The following ASPH variants were observed in gnomAD, a reference collection of about 807,000 sequenced individuals.
The protein encoded by ASPH is aspartyl/asparaginyl beta-hydroxylase.
Under a neutral mutation model 118.4 loss-of-function variants are expected in ASPH, and 100 were observed. That is an observed-to-expected ratio of 0.84 (90% CI 0.72 to 1.00). The LOEUF is 1.00. Among genes scored for constraint, ASPH ranks in the 50% least tolerant of loss-of-function variants. ASPH has a pLI of 0.00. For synonymous variants in ASPH, 315 were observed against 325.6 expected (o/e 0.97, Z 0.35); for missense variants, 920 against 919.5 (o/e 1.00, Z -0.01).
chr8:61,627,643 A>G (rs558920346), intron 13 of ASPH, among the ~76,000 whole-genome samples: 2 of 152,314 alleles, frequency 1.3e-5, no homozygotes, highest in Non-Finnish European at 2.9e-5. Context: ...TTGATTTGAG[A>G]GGAAGATACA....
At chr8:61,645,702 T>C (rs1344782300) in intron 6 of ASPH, among the ~76,000 whole-genome samples, 4 of 152,210 alleles carry the variant, frequency 2.6e-5, no homozygotes, top group Non-Finnish European at 4.4e-5. Context: ...TACAATTCTT[T>C]TGAAAACCAA....
intron 1 of ASPH, among the ~76,000 whole-genome samples, chr8:61,713,372 T>C (rs28409877): frequency 0.53 from 80,563 of 152,134 alleles, 21,688 homozygotes; most frequent in Middle Eastern, 0.59. Flanking sequence ...AATACTTCTT[T>C]GACTATAGCT....
At chr8:61,646,412 G>A (rs1588595274) in intron 6 of ASPH, among the ~76,000 whole-genome samples, 1 of 152,198 alleles carries the variant, frequency 6.6e-6, no homozygotes, top group African/African-American at 2.4e-5. Context: ...ACATGAGCCT[G>A]TGATAGATTA....
At chr8:61,668,365 G>T in intron 3 of ASPH, 1 of 984,700 alleles carries the variant, frequency 1.0e-6, no homozygotes, top group Non-Finnish European at 1.5e-6. Flanking sequence ...TAAAATCAAT[G>T]CCACTATAAA....
chr8:61,714,532 G>A lies in ASPH; in HGVS notation c.-161C>T. The A allele has an allele frequency of 1.8e-6, 2 of 1,103,540 alleles. No homozygotes were observed. Among genetic ancestry groups the A allele is most frequent in the Middle Eastern group, 3.4e-4 (1 of 2,960 alleles). 68.4% of individuals were successfully genotyped at this position (1,103,540 alleles called of 1,614,324 possible). ...GCCTCAGCACCGCCTGCAGCACCTG[G>A]GAAGACTTCACCCGCCTGCCGGCTG... On this transcript the variant is annotated 5_prime_UTR_variant, in exon 1 of 25. Transcript: ENST00000379454.
intron 10 of ASPH, among the ~76,000 whole-genome samples, chr8:61,640,287 T>C (rs909893261): frequency 2.6e-5 from 4 of 152,160 alleles, no homozygotes; most frequent in African/African-American, 7.2e-5. Flanking sequence ...GACTCTTGTC[T>C]CTCCAGTCTG....
intron 14 of ASPH, among the ~76,000 whole-genome samples, chr8:61,611,039 G>A (rs1449857674): frequency 6.6e-6 from 1 of 152,170 alleles, no homozygotes; most frequent in Non-Finnish European, 1.5e-5. Flanking sequence ...ATTTTTAAAG[G>A]AAAGGACCAC....
chr8:61,701,867 A>G (rs1835319522), intron 1 of ASPH, among the ~76,000 whole-genome samples: 1 of 152,216 alleles, frequency 6.6e-6, no homozygotes, highest in South Asian at 2.1e-4. Flanking sequence ...TGTATTTTAT[A>G]AAGAATTTTT....
chr8:61,579,023 G>A, intron 15 of ASPH: 7 of 1,610,850 alleles, frequency 4.3e-6, no homozygotes, highest in Non-Finnish European at 5.9e-6. Context: ...CACAGTACGA[G>A]GATATTGCCA....
chr8:61,538,337 T>C (rs2130176153), intron 21 of ASPH, among the ~76,000 whole-genome samples: 1 of 152,372 alleles, frequency 6.6e-6, no homozygotes, highest in South Asian at 2.1e-4. Context: ...CCAAACAGTT[T>C]AAAGTTTGAT....
In ASPH at chr8:61,663,163, G is replaced by T. The variant is rs529889022; in HGVS notation, c.323-9503C>A. 4 of 985,358 alleles carry T rather than the reference G, an allele frequency of 4.1e-6. No individual in the cohort carries two copies. The East Asian group carries it at 4.5e-4, about 112-fold the overall frequency. 61.0% of individuals were successfully genotyped at this position (985,358 alleles called of 1,614,324 possible). The stretch of plus-strand genomic sequence containing the variant: ...TCGTGTAACTTTCATATGCCTGGGG[G>T]ACATGTTCTGCTTCTTCTTCTGTCC... On this transcript the variant is annotated intron_variant, in intron 3 of 24. Transcript: ENST00000379454.
In ASPH at chr8:61,714,217, G is replaced by A. The variant is rs557252292; in HGVS notation, c.103+52C>T. On this transcript the variant is annotated intron_variant, in intron 1 of 24. Coordinates refer to ENST00000379454, the MANE Select transcript of ASPH (RefSeq NM_004318.4). ...CCCGCAGCGTCCGCCGCGCCAGCCG[G>A]CTCCCTACCCCGAGGCGAGGCCCCA... The A allele has an allele frequency of 4.2e-5, 58 of 1,378,450 alleles. No homozygotes were observed. In the South Asian group the frequency reaches 6.2e-4, roughly 15 times the overall value. 85.4% of individuals were successfully genotyped at this position (1,378,450 alleles called of 1,614,324 possible). A position where few individuals can be genotyped will look rare whatever the true frequency, so the allele number is the denominator to read the frequency against.
chr8:61,524,728 T>C (rs1171124446), intron 22 of ASPH, among the ~76,000 whole-genome samples: 1 of 151,940 alleles, frequency 6.6e-6, no homozygotes, highest in African/African-American at 2.4e-5. Context: ...CCTATAATAC[T>C]TTGCATATTA....
intron 11 of ASPH, 128 bp downstream of exon 11, chr8:61,638,194 A>G: frequency 7.9e-7 from 1 of 1,273,444 alleles, no homozygotes; most frequent in East Asian, 2.4e-5. Flanking sequence ...ATACTCAATT[A>G]TTTTCTTACT....
At chr8:61,636,993 C>A (rs970961809) in intron 12 of ASPH, among the ~76,000 whole-genome samples, 3 of 152,112 alleles carry the variant, frequency 2.0e-5, no homozygotes, top group Non-Finnish European at 4.4e-5. Flanking sequence ...TTAGCCTCCC[C>A]GATTCCCTTA....
intron 1 of ASPH, among the ~76,000 whole-genome samples, chr8:61,686,428 T>TA (rs1386355373): frequency 2.6e-5 from 4 of 152,096 alleles, no homozygotes; most frequent in African/African-American, 9.7e-5. Flanking sequence ...AAACCACTAC[T>TA]AAAATTTGAA....
At chr8:61,563,508 C>T (rs1345428801) in intron 17 of ASPH, among the ~76,000 whole-genome samples, 1 of 152,088 alleles carries the variant, frequency 6.6e-6, no homozygotes, top group Non-Finnish European at 1.5e-5. Flanking sequence ...TATAAAAGAA[C>T]ATGTGCAAAA....
At position 61,576,826 on chromosome 8, in the gene ASPH, T is replaced by G; in HGVS notation, c.1095A>C (p.Lys365Asn). ...TCTGAGGGTATTTGCGTACTAGTTC[T>G]TTAAATGCATTCACTGCTTCCTCAA... is the stretch of plus-strand genomic sequence containing the variant. ...GKIEEAVNAFKELVRKYPQSP... is the reference protein window; with the variant it reads ...GKIEEAVNAFNELVRKYPQSP... Residue 365 changes from lysine (K) to asparagine (N), a missense_variant, in exon 16 of 25, where the codon AAA (lysine) becomes AAC (asparagine). Physicochemically the swap from Lys to Asn is moderately conservative, Grantham distance 94. Coordinates refer to ENST00000379454, the MANE Select transcript of ASPH (RefSeq NM_004318.4). 1 of 1,608,986 alleles carries G rather than the reference T, an allele frequency of 6.2e-7. No homozygotes were observed. Among genetic ancestry groups the G allele is most frequent in the Non-Finnish European group, 8.5e-7 (1 of 1,177,060 alleles).
intron 12 of ASPH, among the ~76,000 whole-genome samples, chr8:61,636,003 A>T (rs1857559161): frequency 6.6e-6 from 1 of 152,228 alleles, no homozygotes; most frequent in South Asian, 2.1e-4. Context: ...AAGCCTTAGT[A>T]GGCCTTGCAA....
Sources: gnomAD v4.1 joint callset for allele counts (sites outside exome capture counted in the v4.1 genomes callset) on GRCh38, gnomAD v4.1.1 for gene constraint, MANE v1.5 for transcripts, NCBI Gene and HGNC (gene_info 2026-07-23, HGNC 2026-07-21) for gene names.